Variants in CCSER1 observed in about 807,000 individuals in gnomAD.
CCSER1 encodes the protein serine-rich coiled-coil domain-containing protein 1.
CCSER1 carries 41 observed loss-of-function variants against 82.0 expected under a neutral mutation model. The ratio of observed to expected loss-of-function variants is 0.50; its 90% confidence interval spans 0.39 to 0.65. The LOEUF (loss-of-function observed/expected upper bound fraction) is 0.65, where lower values mean the gene tolerates loss of function less well. Ranked by LOEUF, CCSER1 falls within the 30% of genes least tolerant of loss-of-function variation. CCSER1 has a pLI of 0.00. For missense variants in CCSER1, 1,119 were observed against 1,064.2 expected (o/e 1.05, Z -0.72); for synonymous variants, 414 against 383.9 (o/e 1.08, Z -0.92).
intron 5 of CCSER1, among the ~76,000 whole-genome samples, chr4:90,608,440 A>G (rs1043356103): frequency 1.3e-5 from 2 of 152,178 alleles, no homozygotes; most frequent in Admixed American, 6.5e-5. Flanking sequence ...CTAAAAGATT[A>G]TTAACTCAAA....
intron 10 of CCSER1, among the ~76,000 whole-genome samples, chr4:91,093,963 T>C (rs1446612112): frequency 6.6e-6 from 1 of 152,244 alleles, no homozygotes; most frequent in Non-Finnish European, 1.5e-5. Flanking sequence ...AAGCTGCAGA[T>C]GACTTGCTTT....
At chr4:90,956,580 C>T (rs993198149) in intron 9 of CCSER1, among the ~76,000 whole-genome samples, 4 of 151,952 alleles carry the variant, frequency 2.6e-5, no homozygotes, top group Admixed American at 6.6e-5. Flanking sequence ...TGGAAAGATG[C>T]TGTATATGAG....
chr4:91,465,830 C>A (rs1371740568), intron 10 of CCSER1, among the ~76,000 whole-genome samples: 7 of 152,052 alleles, frequency 4.6e-5, no homozygotes, highest in African/African-American at 1.7e-4. Flanking sequence ...GAATATACCA[C>A]TAACAGGCTC....
chr4:90,393,556 C>G (rs1405435597), intron 3 of CCSER1, among the ~76,000 whole-genome samples: 2 of 152,090 alleles, frequency 1.3e-5, no homozygotes, highest in African/African-American at 4.8e-5. Context: ...TAAAAAACCA[C>G]TGAAGTCCAA....
chr4:91,297,385 A>ATGTGTGTGTGTGTGTG (rs57164334), intron 10 of CCSER1, among the ~76,000 whole-genome samples: 70 of 118,066 alleles, frequency 5.9e-4, no homozygotes, highest in African/African-American at 1.7e-3. Context: ...GTGTGTGTGT[A>ATGTGTGTGTGTGTGTG]TGTGTGTGTG....
intron 6 of CCSER1, among the ~76,000 whole-genome samples, chr4:90,671,758 G>A (rs564876722): frequency 6.6e-6 from 1 of 152,130 alleles, no homozygotes; most frequent in African/African-American, 2.4e-5. Context: ...AGATTCATCA[G>A]AGGAATCACT....
intron 10 of CCSER1, among the ~76,000 whole-genome samples, chr4:91,411,513 T>TATATATATATATACATAC (rs1560650487): frequency 7.7e-6 from 1 of 130,606 alleles, no homozygotes; most frequent in Admixed American, 7.6e-5. Context: ...TATATATATA[T>TATATATATATATACATAC]ATATATATAT....
chr4:91,014,671 A>ATT (rs1206917283), intron 9 of CCSER1, among the ~76,000 whole-genome samples: 16 of 82,550 alleles, frequency 1.9e-4, no homozygotes, highest in East Asian at 5.2e-4. Context: ...ACAAAGTCTA[A>ATT]GCAAATGTAA....
intron 8 of CCSER1, among the ~76,000 whole-genome samples, chr4:90,823,107 A>G (rs1759975845): frequency 6.6e-6 from 1 of 152,184 alleles, no homozygotes; most frequent in African/African-American, 2.4e-5. Context: ...TATGACTATT[A>G]TCAGAGGCAA....
chr4:90,266,787 C>T (rs1435017277), intron 1 of CCSER1, among the ~76,000 whole-genome samples: 1 of 151,900 alleles, frequency 6.6e-6, no homozygotes, highest in Non-Finnish European at 1.5e-5. Flanking sequence ...ACTTGAGTTT[C>T]GACAAGCCTC....
At chr4:91,160,673 G>A (rs556933032) in intron 10 of CCSER1, among the ~76,000 whole-genome samples, 14 of 152,122 alleles carry the variant, frequency 9.2e-5, no homozygotes, top group South Asian at 2.1e-4. Flanking sequence ...TTCATATGTC[G>A]ATTGGCTGCA....
intron 4 of CCSER1, among the ~76,000 whole-genome samples, chr4:90,417,466 T>G (rs1188907499): frequency 6.8e-6 from 1 of 146,762 alleles, no homozygotes; most frequent in Non-Finnish European, 1.5e-5. Flanking sequence ...GAAGAGTTTT[T>G]AAATTAAATT....
At chr4:91,515,232 G>A (rs867753580) in intron 10 of CCSER1, among the ~76,000 whole-genome samples, 4 of 152,028 alleles carry the variant, frequency 2.6e-5, no homozygotes, top group African/African-American at 4.8e-5. Context: ...AGGCTCAGGG[G>A]TACATGTGCA....
intron 8 of CCSER1, among the ~76,000 whole-genome samples, chr4:90,861,926 A>ATATATATT (rs1486179354): frequency 4.8e-5 from 6 of 125,684 alleles, no homozygotes; most frequent in Non-Finnish European, 7.0e-5. Flanking sequence ...ATATATATAT[A>ATATATATT]TTTTTTTTTT....
intron 8 of CCSER1, among the ~76,000 whole-genome samples, chr4:90,851,470 G>A (rs1236917530): frequency 6.6e-6 from 1 of 151,052 alleles, no homozygotes; most frequent in East Asian, 2.0e-4. Flanking sequence ...GAGGGGTGGG[G>A]GGGGCGCTGT....
intron 3 of CCSER1, among the ~76,000 whole-genome samples, chr4:90,390,643 A>G (rs1042540822): frequency 1.3e-5 from 2 of 152,172 alleles, no homozygotes; most frequent in Admixed American, 6.5e-5. Context: ...GTGGTATTCC[A>G]TAGTGTATAT....
intron 10 of CCSER1, among the ~76,000 whole-genome samples, chr4:91,254,171 G>A (rs1740492053): frequency 6.6e-6 from 1 of 152,118 alleles, no homozygotes; most frequent in Non-Finnish European, 1.5e-5. Flanking sequence ...CAGAAGATAA[G>A]CAGGGAAATG....
intron 10 of CCSER1, among the ~76,000 whole-genome samples, chr4:91,532,480 G>T (rs1470786095): frequency 6.6e-6 from 1 of 152,002 alleles, no homozygotes; most frequent in East Asian, 1.9e-4. Context: ...AAACTAACTG[G>T]AATATTTTCT....
At chr4:91,101,875 G>A (rs866932834) in intron 10 of CCSER1, among the ~76,000 whole-genome samples, 1 of 152,110 alleles carries the variant, frequency 6.6e-6, no homozygotes, top group African/African-American at 2.4e-5. Context: ...TTCTCATCAC[G>A]GATAAGTGGA....
Sources: gnomAD v4.1 joint callset for allele counts (sites outside exome capture counted in the v4.1 genomes callset) on GRCh38, gnomAD v4.1.1 for gene constraint, MANE v1.5 for transcripts, NCBI Gene and HGNC (gene_info 2026-07-23, HGNC 2026-07-21) for gene names.